Variants in FAM81A observed in about 807,000 individuals in gnomAD.
The protein encoded by FAM81A is protein FAM81A.
A neutral mutation model predicts 46.7 loss-of-function variants in FAM81A; 19 were observed. That is an observed-to-expected ratio of 0.41 (90% CI 0.28 to 0.60). The LOEUF is 0.60. Among genes scored for constraint, FAM81A ranks in the 20% least tolerant of loss-of-function variants. FAM81A has a pLI of 0.34. For missense variants in FAM81A, 377 were observed against 453.5 expected, an observed-to-expected ratio of 0.83 and a Z score of 1.53; for synonymous variants, 183 against 152.9, an observed-to-expected ratio of 1.20 and a Z score of -1.45.
intron 3 of FAM81A, among the ~76,000 whole-genome samples, chr15:59,464,312 C>T (rs2081587208): frequency 6.6e-6 from 1 of 152,142 alleles, no homozygotes; most frequent in East Asian, 1.9e-4. Context: ...ATACTGATTT[C>T]CTTTCCTTTG....
At chr15:59,480,798 G>A (rs534210907) in intron 3 of FAM81A, among the ~76,000 whole-genome samples, 3 of 152,080 alleles carry the variant, frequency 2.0e-5, no homozygotes, top group African/African-American at 7.2e-5. Flanking sequence ...ATGATATATT[G>A]TTCCAAAATG....
intron 2 of FAM81A, among the ~76,000 whole-genome samples, chr15:59,414,344 G>A (rs1391434668): frequency 1.3e-5 from 2 of 152,180 alleles, no homozygotes; most frequent in Non-Finnish European, 2.9e-5. Flanking sequence ...CTGAGTCCAT[G>A]AAATGAACTG....
At chr15:59,476,732 G>A (rs1434542214) in intron 3 of FAM81A, among the ~76,000 whole-genome samples, 1 of 152,088 alleles carries the variant, frequency 6.6e-6, no homozygotes, top group Non-Finnish European at 1.5e-5. Flanking sequence ...GGAGGTTGCA[G>A]TGAGCCAGGA....
chr15:59,480,105 C>T (rs1168891673), intron 3 of FAM81A, among the ~76,000 whole-genome samples: 5 of 152,132 alleles, frequency 3.3e-5, no homozygotes, highest in Admixed American at 1.3e-4. Context: ...GCTGACAGGA[C>T]TTCCTGCCTA....
chr15:59,485,532 A>G (rs946500018), intron 3 of FAM81A, among the ~76,000 whole-genome samples: 1 of 152,262 alleles, frequency 6.6e-6, no homozygotes, highest in South Asian at 2.1e-4. Flanking sequence ...TACTTCTACA[A>G]GTATGCAAGA....
At chr15:59,512,005 C>G (rs2082215221) in intron 6 of FAM81A, among the ~76,000 whole-genome samples, 1 of 152,090 alleles carries the variant, frequency 6.6e-6, no homozygotes, top group African/African-American at 2.4e-5. Context: ...AAACAAATGT[C>G]CATCAACAGA....
chr15:59,501,423 G>A (rs2082089575), intron 4 of FAM81A, among the ~76,000 whole-genome samples: 1 of 151,760 alleles, frequency 6.6e-6, no homozygotes, highest in African/African-American at 2.4e-5. Context: ...ATAGTCTGAT[G>A]GTACTATAAT....
chr15:59,475,670 C>CA (rs1406406526), intron 3 of FAM81A, among the ~76,000 whole-genome samples: 9 of 152,056 alleles, frequency 5.9e-5, no homozygotes, highest in African/African-American at 1.7e-4. Flanking sequence ...CTAAATTTGG[C>CA]AAAAAATTTA....
At chr15:59,410,571 A>G (rs1489578802) in intron 2 of FAM81A, among the ~76,000 whole-genome samples, 1 of 152,178 alleles carries the variant, frequency 6.6e-6, no homozygotes, top group African/African-American at 2.4e-5. Flanking sequence ...ACTGAAGGAG[A>G]AGGAACTCCT....
At chr15:59,402,841 A>T (rs1277150345) in intron 2 of FAM81A, among the ~76,000 whole-genome samples, 2 of 152,186 alleles carry the variant, frequency 1.3e-5, no homozygotes, top group African/African-American at 4.8e-5. Context: ...GCTGTGAGCC[A>T]CCACGCCCGG....
intron 2 of FAM81A, among the ~76,000 whole-genome samples, chr15:59,430,920 T>G (rs536126011): frequency 2.0e-5 from 3 of 152,324 alleles, no homozygotes; most frequent in Middle Eastern, 3.4e-3. Context: ...ACATAATAGT[T>G]GAACCAATAT....
intron 3 of FAM81A, among the ~76,000 whole-genome samples, chr15:59,467,049 C>T (rs192247695): frequency 2.0e-5 from 3 of 152,248 alleles, no homozygotes; most frequent in Non-Finnish European, 4.4e-5. Context: ...GGCCTCTGTT[C>T]TGTTCCATTG....
chr15:59,522,102 A>T lies in FAM81A; in HGVS notation c.*724A>T, dbSNP rs1290102154. On this transcript the variant is annotated 3_prime_UTR_variant, in exon 9 of 9. Coordinates refer to ENST00000288228, the MANE Select transcript of FAM81A (RefSeq NM_152450.3). ...ATTTAAAACTATTTTTGAATTATCC[A>T]CAACCTGTATAGTGATAGCCATATA... is the stretch of plus-strand genomic sequence containing the variant. The T allele has an allele frequency of 6.6e-6, 1 of 152,662 alleles. No individual in the cohort carries two copies. The highest frequency in any genetic ancestry group is 1.5e-5 in the Non-Finnish European group (1 of 68,032). 9.5% of individuals were successfully genotyped at this position (152,662 alleles called of 1,614,324 possible).
chr15:59,517,416 A>G (rs1235765584), intron 8 of FAM81A, among the ~76,000 whole-genome samples: 1 of 152,216 alleles, frequency 6.6e-6, no homozygotes, highest in Admixed American at 6.5e-5. Context: ...TTTTAACTCA[A>G]TATGAGGCAG....
intron 1 of FAM81A, among the ~76,000 whole-genome samples, chr15:59,456,946 G>A (rs2081492346): frequency 6.6e-6 from 1 of 152,088 alleles, no homozygotes; most frequent in Non-Finnish European, 1.5e-5. Context: ...TTCCTAGTTA[G>A]GTTACTTAAT....
chr15:59,403,887 C>CTT (rs11387570), intron 2 of FAM81A, among the ~76,000 whole-genome samples: 1,463 of 140,068 alleles, frequency 0.01, 24 homozygotes, highest in African/African-American at 0.033. Context: ...CTTTTCTTTT[C>CTT]TTTTTTTTTT....
chr15:59,521,178 T>G, intron 8 of FAM81A, 76 bp from the exon 9 acceptor site: 1 of 1,514,982 alleles, frequency 6.6e-7, no homozygotes, highest in African/African-American at 1.4e-5. Flanking sequence ...GAATCAACCA[T>G]TACTAGATAC....
Position 59,460,204 on chromosome 15 carries a change from G to C in FAM81A, c.292G>C (p.Glu98Gln), listed in dbSNP as rs1244313989. The C allele has an allele frequency of 1.2e-6, 2 of 1,613,938 alleles. No homozygotes were observed. Among genetic ancestry groups the C allele is most frequent in the Non-Finnish European group, 1.7e-6 (2 of 1,179,896 alleles). The change falls in exon 3 of 9, where the codon GAG (glutamate) becomes CAG (glutamine). Residue 98 changes from glutamate to glutamine, a missense_variant and splice_region_variant. Coordinates refer to ENST00000288228, the MANE Select transcript of FAM81A (RefSeq NM_152450.3). The surrounding 1 kb of genome is among the most constrained non-coding windows in gnomAD (Gnocchi z 4.4). ...AGTGAAGCAACTTAATCGGGATATC[G>C]AGGTAAGGTTTGTGAAAGTCAGGTG... ...AIVKQLNRDI[E>Q]VLQEQIRARD...
intron 6 of FAM81A, among the ~76,000 whole-genome samples, chr15:59,513,298 C>T (rs2082232594): frequency 6.6e-6 from 1 of 152,058 alleles, no homozygotes; most frequent in African/African-American, 2.4e-5. Context: ...GAAAGGGAGC[C>T]AGGTTCTAGT....
Sources: allele counts gnomAD v4.1 joint callset (sites outside exome capture counted in the v4.1 genomes callset), GRCh38; gene constraint gnomAD v4.1.1; non-coding constraint Gnocchi (gnomAD v3.1); transcripts MANE v1.5; gene names NCBI Gene and HGNC (gene_info 2026-07-23, HGNC 2026-07-21).